Variants in FGF14 observed in about 807,000 individuals in gnomAD.
The protein encoded by FGF14 is fibroblast growth factor 14.
In FGF14, 5 loss-of-function variants were observed where a neutral mutation model predicts 25.5. The ratio of observed to expected loss-of-function variants is 0.20; its 90% CI spans 0.10 to 0.41. The LOEUF (loss-of-function observed/expected upper bound fraction) is 0.41. Ranked by LOEUF, FGF14 falls within the 10% of genes least tolerant of loss-of-function variation. The probability of loss-of-function intolerance (pLI) is 1.00; values close to 1 mark genes in which losing one functional copy is unlikely to be tolerated. For missense variants in FGF14, 222 were observed against 320.1 expected (o/e 0.69, Z 2.34); for synonymous variants, 138 against 118.3 (o/e 1.17, Z -1.08).
intron 1 of FGF14, among the ~76,000 whole-genome samples, chr13:102,171,972 GTATTTATT>G (rs58098373): frequency 0.46 from 67,772 of 145,932 alleles, 16,452 homozygotes; most frequent in African/African-American, 0.61. Context: ...CACTTACCAT[GTATTTATT>G]TATTTATTTA....
chr13:101,806,452 T>C (rs11069464), intron 3 of FGF14, among the ~76,000 whole-genome samples: 8,048 of 150,164 alleles, frequency 0.054, 294 homozygotes, highest in East Asian at 0.16. Flanking sequence ...AAGAAAAATA[T>C]ATGTATATGT....
chr13:102,304,415 G>A (rs577056741), intron 1 of FGF14, among the ~76,000 whole-genome samples: 136 of 152,088 alleles, frequency 8.9e-4, no homozygotes, highest in African/African-American at 3.2e-3. Context: ...TCCCTAACAC[G>A]GGTTCTCTAT....
At chr13:101,791,930 A>C (rs1224305458) in intron 3 of FGF14, among the ~76,000 whole-genome samples, 1 of 152,148 alleles carries the variant, frequency 6.6e-6, no homozygotes, top group Non-Finnish European at 1.5e-5. Context: ...CCCTGAAATT[A>C]ACACAGTACT....
At chr13:102,197,561 T>C (rs1452310519) in intron 1 of FGF14, among the ~76,000 whole-genome samples, 1 of 151,934 alleles carries the variant, frequency 6.6e-6, no homozygotes, top group Non-Finnish European at 1.5e-5. Context: ...AAAATAAATC[T>C]CTCAATTCCT....
Position 101,720,528 on chromosome 13 carries a change from C to CTGTGTG in FGF14, c.*2302_*2303insCACACA, listed in dbSNP as rs1491358179. ...AGTAACAAATAGATGGGGGTGTTTG[C>CTGTGTG]TCTGTGTGTGTGTGTGTGTGTGTGT... is the stretch of plus-strand genomic sequence containing the variant. On this transcript the variant is annotated 3_prime_UTR_variant, in exon 5 of 5. Transcript: ENST00000376143. The CTGTGTG allele has an allele frequency of 4.7e-4, 44 of 92,766 alleles. No individual in the cohort carries two copies. Among genetic ancestry groups the CTGTGTG allele is most frequent in the African/African-American group, 2.0e-3 (42 of 21,298 alleles). The allele number at this position is 92,766 out of a possible 1,614,324, so 5.7% of individuals were successfully genotyped here. A position where few individuals can be genotyped will look rare whatever the true frequency, so the allele number is the denominator to read the frequency against.
At chr13:101,979,178 C>T (rs1341088973) in intron 1 of FGF14, among the ~76,000 whole-genome samples, 1 of 152,272 alleles carries the variant, frequency 6.6e-6, no homozygotes, top group African/African-American at 2.4e-5. Flanking sequence ...TGCACTGTTC[C>T]GTGGTTCCAT....
intron 1 of FGF14, among the ~76,000 whole-genome samples, chr13:102,201,066 A>C (rs1300660762): frequency 7.8e-6 from 1 of 127,870 alleles, no homozygotes; most frequent in African/African-American, 3.0e-5. Context: ...GCGCCACTGC[A>C]CTCCAGCTTG....
chr13:102,076,110 T>C (rs1020801162), intron 1 of FGF14, among the ~76,000 whole-genome samples: 11 of 152,106 alleles, frequency 7.2e-5, no homozygotes, highest in African/African-American at 2.4e-4. Context: ...TTAATAAATA[T>C]AGTGCAACCT....
chr13:101,951,423 C>A (rs1175979733), intron 1 of FGF14, among the ~76,000 whole-genome samples: 1 of 151,664 alleles, frequency 6.6e-6, no homozygotes, highest in Non-Finnish European at 1.5e-5. Context: ...TTTCTAGAAC[C>A]AATTATAATC....
chr13:101,870,980 ATAC>A, intron 2 of FGF14, among the ~76,000 whole-genome samples: 1 of 149,290 alleles, frequency 6.7e-6, no homozygotes, highest in Non-Finnish European at 1.5e-5. Context: ...AAATAAATAC[ATAC>A]ATACATACAT....
At chr13:101,996,179 A>G (rs1220550026) in intron 1 of FGF14, among the ~76,000 whole-genome samples, 1 of 152,192 alleles carries the variant, frequency 6.6e-6, no homozygotes, top group African/African-American at 2.4e-5. Flanking sequence ...AAAATCTTAT[A>G]TTAAAACAAG....
At position 101,967,431 on chromosome 13, in the gene FGF14, C is replaced by T. The variant is rs1870652234; in HGVS notation, c.209-92135G>A. 2.6e-5 allele frequency among the ~76,000 whole-genome samples: 4 copies of T among 152,276 alleles called. No homozygotes were observed. The South Asian group carries it at 8.3e-4, about 32-fold the overall frequency. ...GCTAAATGTGTACCAATATCAGTTT[C>T]TGCAGTATAAACAAAGCTTGATTAT... On this transcript the variant is annotated intron_variant, in intron 1 of 4. Transcript: ENST00000376131.
At chr13:102,066,001 G>T (rs558845414) in intron 1 of FGF14, among the ~76,000 whole-genome samples, 1 of 152,144 alleles carries the variant, frequency 6.6e-6, no homozygotes, top group East Asian at 1.9e-4. Context: ...TTGTGATGTA[G>T]ATTTTGAATA....
chr13:102,345,892 G>C (rs2057091643), intron 1 of FGF14, among the ~76,000 whole-genome samples: 1 of 152,112 alleles, frequency 6.6e-6, no homozygotes, highest in African/African-American at 2.4e-5. Flanking sequence ...AGATTCAATA[G>C]CCAATTAATA....
chr13:102,284,335 G>A (rs544907422), intron 1 of FGF14, among the ~76,000 whole-genome samples: 1 of 152,270 alleles, frequency 6.6e-6, no homozygotes, highest in South Asian at 2.1e-4. Context: ...AATAAAATTT[G>A]TTGATGACGG....
intron 3 of FGF14, 45 bp from the exon 4 acceptor site, chr13:101,726,855 C>A: frequency 1.4e-6 from 2 of 1,384,900 alleles, no homozygotes; most frequent in Non-Finnish European, 1.0e-6. Context: ...GGAACTTGAT[C>A]TTCACTGTAC....
At chr13:101,858,794 T>C (rs1387025840) in intron 3 of FGF14, among the ~76,000 whole-genome samples, 1 of 152,156 alleles carries the variant, frequency 6.6e-6, no homozygotes, top group African/African-American at 2.4e-5. Flanking sequence ...TTTATGAACA[T>C]GTAGAAATAA....
At chr13:102,085,797 A>C (rs2043867698) in intron 1 of FGF14, among the ~76,000 whole-genome samples, 1 of 152,166 alleles carries the variant, frequency 6.6e-6, no homozygotes, top group South Asian at 2.1e-4. Flanking sequence ...CTAAAACCAA[A>C]TTTTCTCAGT....
At chr13:102,370,812 T>C (rs142798458) in intron 1 of FGF14, among the ~76,000 whole-genome samples, 1,749 of 152,182 alleles carry the variant, frequency 0.011, 32 homozygotes, top group African/African-American at 0.039. Flanking sequence ...AAGAATGTAT[T>C]GAGTACTGTT....
Sources: gnomAD v4.1 joint callset for allele counts (sites outside exome capture counted in the v4.1 genomes callset) on GRCh38, gnomAD v4.1.1 for gene constraint, MANE v1.5 for transcripts, NCBI Gene and HGNC (gene_info 2026-07-23, HGNC 2026-07-21) for gene names.